DNAAF4: variants seen among roughly 807,000 people sequenced by gnomAD.
The protein encoded by DNAAF4 is dynein axonemal assembly factor 4.
Under a neutral mutation model 51.8 loss-of-function variants are expected in DNAAF4, and 43 were observed. That is an observed-to-expected ratio of 0.83 (90% CI 0.65 to 1.07). The LOEUF (loss-of-function observed/expected upper bound fraction) is 1.07. Among genes scored for constraint, DNAAF4 ranks in the 50% least tolerant of loss-of-function variants. The pLI, the probability that DNAAF4 is intolerant of heterozygous loss-of-function variation, is 0.00. For synonymous variants in DNAAF4, 194 were observed against 165.6 expected (o/e 1.17, Z -1.32); for missense variants, 581 against 493.0 (o/e 1.18, Z -1.69).
intron 5 of DNAAF4, among the ~76,000 whole-genome samples, chr15:55,453,337 C>T (rs981379670): frequency 3.9e-5 from 6 of 152,036 alleles, no homozygotes; most frequent in African/African-American, 1.4e-4. Context: ...AAGCACAATT[C>T]ACAAGAGGAA....
chr15:55,473,756 C>T (rs1595932970), intron 4 of DNAAF4, among the ~76,000 whole-genome samples: 1 of 151,898 alleles, frequency 6.6e-6, no homozygotes, highest in Admixed American at 6.6e-5. Context: ...TTTGGGAGGC[C>T]GAGGGAGGTG....
intron 7 of DNAAF4, among the ~76,000 whole-genome samples, chr15:55,437,499 T>C (rs967516326): frequency 1.8e-4 from 28 of 151,966 alleles, no homozygotes; most frequent in Admixed American, 1.4e-3. Flanking sequence ...AGACAGATAA[T>C]GCCCCCCGCC....
At chr15:55,417,826 G>A (rs1367454399) in exon 8 of DNAAF4, 6 of 260,526 alleles carry the variant, frequency 2.3e-5, no homozygotes, top group Middle Eastern at 1.3e-3. Context: ...AGTCAGCGAA[G>A]GGAGATAGGG....
chr15:55,470,845 G>A (rs548867981), intron 4 of DNAAF4, among the ~76,000 whole-genome samples: 93 of 123,094 alleles, frequency 7.6e-4, no homozygotes, highest in African/African-American at 2.5e-3. Flanking sequence ...TATGCCTGGC[G>A]GATTTTTTTT....
At chr15:55,500,804 C>G (rs527942806) in intron 1 of DNAAF4, among the ~76,000 whole-genome samples, 1 of 151,818 alleles carries the variant, frequency 6.6e-6, no homozygotes, top group Non-Finnish European at 1.5e-5. Flanking sequence ...ACCAGCCTGA[C>G]GAACATAGAG....
intron 6 of DNAAF4, 99 bp from the exon 7 acceptor site, chr15:55,439,680 A>C: frequency 8.7e-6 from 9 of 1,030,108 alleles, no homozygotes; most frequent in Non-Finnish European, 1.3e-5. Flanking sequence ...TTGAAATATT[A>C]TTTGCTATGC....
chr15:55,438,519 T>C (rs750090279), intron 7 of DNAAF4, among the ~76,000 whole-genome samples: 2 of 151,132 alleles, frequency 1.3e-5, no homozygotes, highest in Non-Finnish European at 3.0e-5. Context: ...CCAGGGCTCA[T>C]GCCTGTAATC....
chr15:55,439,907 T>G (rs905298339), intron 6 of DNAAF4, among the ~76,000 whole-genome samples: 1 of 152,134 alleles, frequency 6.6e-6, no homozygotes, highest in Non-Finnish European at 1.5e-5. Flanking sequence ...CCGCAAGTTA[T>G]GATGAGCACC....
intron 4 of DNAAF4, among the ~76,000 whole-genome samples, chr15:55,473,761 G>A (rs2058299410): frequency 6.6e-6 from 1 of 151,840 alleles, no homozygotes; most frequent in African/African-American, 2.4e-5. Context: ...GAGGCCGAGG[G>A]AGGTGGATCA....
chr15:55,498,432 C>G lies in DNAAF4; in HGVS notation c.-103G>C. 1 of 1,484,846 alleles carries G rather than the reference C, an allele frequency of 6.7e-7. No homozygotes were observed. The highest frequency in any genetic ancestry group is 8.9e-7 in the Non-Finnish European group (1 of 1,119,996). The allele number at this position is 1,484,846 out of a possible 1,614,324, so 92.0% of individuals were successfully genotyped here. On this transcript the variant is annotated 5_prime_UTR_variant, in exon 2 of 10. Coordinates refer to ENST00000321149, the MANE Select transcript of DNAAF4 (RefSeq NM_130810.4). ...ATGCGCCAGCCCTTCCGGGTCAGGC[C>G]GGCCGGGAGCCCGGCGTTCCCAGCG...
Position 55,473,178 on chromosome 15 carries a change from A to C in DNAAF4, c.406-6017T>G, listed in dbSNP as rs1203369852. Among the ~76,000 whole-genome samples the C allele has an allele frequency of 5.9e-5, 6 of 102,396 alleles. 1 individual carries two copies. The highest frequency in any genetic ancestry group is 7.6e-5 in the Non-Finnish European group (4 of 52,928). 67.2% of individuals were successfully genotyped at this position (102,396 alleles called of 152,430 possible). ...GAGAGGCCACCTCAAAACAAACAAA[A>C]AAAAAACCTAAAAAAAAAAAATATA... On this transcript the variant is annotated intron_variant, in intron 4 of 9. Transcript: ENST00000321149.
chr15:55,433,518 C>T (rs1371875182), intron 8 of DNAAF4, among the ~76,000 whole-genome samples: 2 of 150,378 alleles, frequency 1.3e-5, no homozygotes, highest in Non-Finnish European at 3.0e-5. Context: ...CCCAGCTACT[C>T]CGGACGCTGA....
rs1238695857 is a variant in DNAAF4 at position 55,473,185 on chromosome 15, C to A, written c.406-6024G>T. ...CACCTCAAAACAAACAAAAAAAAAA[C>A]CTAAAAAAAAAAAATATATATATAT... On this transcript the variant is annotated intron_variant, in intron 4 of 9. Coordinates refer to ENST00000321149, the MANE Select transcript of DNAAF4 (RefSeq NM_130810.4). Among the ~76,000 whole-genome samples, 13 of 31,588 alleles carry A rather than the reference C, an allele frequency of 4.1e-4. 1 individual carries two copies. The East Asian group carries it at 0.025, about 60-fold the overall frequency. The allele number at this position is 31,588 out of a possible 152,430, so 20.7% of individuals were successfully genotyped here.
chr15:55,491,816 A>ATAT (rs1050395549), intron 3 of DNAAF4, among the ~76,000 whole-genome samples: 60 of 143,370 alleles, frequency 4.2e-4, no homozygotes, highest in African/African-American at 1.5e-3. Flanking sequence ...ATTTTATATA[A>ATAT]TATATATAAA....
intron 5 of DNAAF4, among the ~76,000 whole-genome samples, chr15:55,453,806 C>T (rs2057975198): frequency 6.6e-6 from 1 of 151,456 alleles, no homozygotes; most frequent in East Asian, 1.9e-4. Context: ...CACCTCGGCC[C>T]CCCAAAGTGC....
chr15:55,422,470 G>A (rs961622281), intron 7 of DNAAF4, among the ~76,000 whole-genome samples: 10 of 152,118 alleles, frequency 6.6e-5, no homozygotes, highest in African/African-American at 2.4e-4. Flanking sequence ...ATGCTTTAGG[G>A]AAAACCACCA....
intron 5 of DNAAF4, among the ~76,000 whole-genome samples, chr15:55,453,342 G>C (rs1005021370): frequency 6.6e-6 from 1 of 152,030 alleles, no homozygotes; most frequent in Non-Finnish European, 1.5e-5. Flanking sequence ...CAATTCACAA[G>C]AGGAAACAAT....
At chr15:55,442,894 C>A in intron 6 of DNAAF4, 1 of 1,612,306 alleles carries the variant, frequency 6.2e-7, no homozygotes, top group Admixed American at 1.7e-5. Context: ...TGCAATGGCA[C>A]CTCCATGAAT....
chr15:55,449,242 G>A (rs1291330889), intron 6 of DNAAF4, among the ~76,000 whole-genome samples: 5 of 149,788 alleles, frequency 3.3e-5, no homozygotes, highest in South Asian at 4.2e-4. Context: ...CACCCACCTC[G>A]GCCTCCCAAA....
Sources: gnomAD v4.1 joint callset for allele counts (sites outside exome capture counted in the v4.1 genomes callset) on GRCh38, gnomAD v4.1.1 for gene constraint, MANE v1.5 for transcripts, NCBI Gene and HGNC (gene_info 2026-07-23, HGNC 2026-07-21) for gene names.